The following CIB1 variants were observed in gnomAD, a reference collection of about 807,000 sequenced individuals.
CIB1 encodes the protein calcium and integrin-binding protein 1.
In CIB1, 19 loss-of-function variants were observed where a neutral mutation model predicts 25.0. The ratio of observed to expected loss-of-function variants is 0.76; its 90% CI spans 0.53 to 1.12. The LOEUF is 1.12. Ranked by LOEUF, CIB1 falls within the 50% of genes most tolerant of loss-of-function variation. The probability of loss-of-function intolerance (pLI) is 0.00; values close to 1 mark genes in which losing one functional copy is unlikely to be tolerated. For synonymous variants in CIB1, 104 were observed against 98.5 expected (o/e 1.06, Z -0.33); for missense variants, 236 against 242.6 (o/e 0.97, Z 0.18).
chr15:90,253,393 G>A, the CIB1 span: 29 of 1,574,602 alleles, frequency 1.8e-5, no homozygotes, highest in South Asian at 1.5e-4. Context: ...CCTGAGAGCC[G>A]ACAGGGGCTA....
the CIB1 span, chr15:90,241,160 G>A: frequency 6.8e-6 from 11 of 1,614,096 alleles, no homozygotes; most frequent in Non-Finnish European, 9.3e-6. Context: ...GGGAGCTACA[G>A]ACCCAAATCC....
chr15:90,239,650 G>T, the CIB1 span, among the ~76,000 whole-genome samples: 1 of 152,188 alleles, frequency 6.6e-6, no homozygotes, highest in African/African-American at 2.4e-5. Context: ...ACAACAAGTG[G>T]GGATTATAGG....
At chr15:90,236,947 T>C (rs1441276056), upstream of CIB1, among the ~76,000 whole-genome samples, 2 of 151,754 alleles carry the variant, frequency 1.3e-5, no homozygotes, top group African/African-American at 2.4e-5. Flanking sequence ...GCTGCTGATA[T>C]ACTTTTATTT....
At chr15:90,265,370 C>A in the CIB1 span, 1 of 1,234,798 alleles carries the variant, frequency 8.1e-7, no homozygotes, top group Non-Finnish European at 1.0e-6. Flanking sequence ...CGAGCGGAAG[C>A]CCTGCCCACC....
At chr15:90,251,280 A>ATTTTTTTTTTT in the CIB1 span, among the ~76,000 whole-genome samples, 24 of 109,510 alleles carry the variant, frequency 2.2e-4, no homozygotes, top group South Asian at 3.4e-4. Context: ...CGCATGGCAA[A>ATTTTTTTTTTT]TTTTTTTTTT....
At chr15:90,242,253 CTTTTTT>C in the CIB1 span, 17,777 of 88,858 alleles carry the variant, frequency 0.2, 1,180 homozygotes, top group African/African-American at 0.28. Flanking sequence ...ACACACCTGG[CTTTTTT>C]TTTTTTTTTT....
the CIB1 span, among the ~76,000 whole-genome samples, chr15:90,247,743 T>TTC: frequency 1.3e-5 from 1 of 79,902 alleles, no homozygotes; most frequent in East Asian, 2.1e-3. Flanking sequence ...TTTTGTTTGC[T>TTC]TTTTTTTTTT....
chr15:90,253,226 T>G, the CIB1 span: 1 of 1,601,822 alleles, frequency 6.2e-7, no homozygotes, highest in Non-Finnish European at 8.6e-7. Context: ...ATGCTGGCAC[T>G]ACTGATCTCC....
At chr15:90,231,046 C>G (rs775259021) in intron 5 of CIB1, 24 bp from the exon 6 acceptor site, 1 of 1,613,162 alleles carries the variant, frequency 6.2e-7, no homozygotes, top group Non-Finnish European at 8.5e-7. Context: ...AGTTTCAGGC[C>G]AGAGCCCCAA....
At chr15:90,265,539 A>T in the CIB1 span, 2 of 1,391,316 alleles carry the variant, frequency 1.4e-6, no homozygotes, top group South Asian at 1.5e-5. Flanking sequence ...CCACAGTTAC[A>T]GGCAGAAAGG....
At chr15:90,244,970 CTGAG>C in the CIB1 span, 2 of 152,238 alleles carry the variant, frequency 1.3e-5, no homozygotes, top group African/African-American at 4.8e-5. Context: ...TGGCTGCTGT[CTGAG>C]TGGGCTCACC....
At chr15:90,241,387 GC>G in the CIB1 span, 1 of 1,613,918 alleles carries the variant, frequency 6.2e-7, no homozygotes, top group Non-Finnish European at 8.5e-7. Context: ...ATCAACGTCA[GC>G]CCCCTGGAGT....
At chr15:90,237,301 G>C (rs1182882325), upstream of CIB1, among the ~76,000 whole-genome samples, 1 of 23,326 alleles carries the variant, frequency 4.3e-5, no homozygotes, top group East Asian at 1.5e-3. Context: ...TTTTTTTTTT[G>C]AGATGGAGTC....
chr15:90,254,650 C>A, the CIB1 span, among the ~76,000 whole-genome samples: 2 of 151,388 alleles, frequency 1.3e-5, 1 homozygote, highest in South Asian at 4.2e-4. Flanking sequence ...CCAGCCTGGG[C>A]AACAGGCAAA....
intron 1 of CIB1, 51 bp downstream of exon 1, chr15:90,233,784 C>T: frequency 6.4e-7 from 1 of 1,551,308 alleles, no homozygotes; most frequent in Non-Finnish European, 8.7e-7. Flanking sequence ...GGACCCTGCT[C>T]CCGAGAAGAG....
At chr15:90,264,624 C>T in the CIB1 span, 1 of 1,396,982 alleles carries the variant, frequency 7.2e-7, no homozygotes, top group Admixed American at 2.2e-5. Context: ...ATGAGATGCC[C>T]TTCCTCTGTG....
chr15:90,262,156 G>C, the CIB1 span: 2 of 1,535,638 alleles, frequency 1.3e-6, no homozygotes, highest in Non-Finnish European at 8.7e-7. Flanking sequence ...TCTTCCAAGA[G>C]ACTGCTGCTT....
chr15:90,237,153 G>T (rs1962652210), upstream of CIB1, among the ~76,000 whole-genome samples: 1 of 151,922 alleles, frequency 6.6e-6, no homozygotes, highest in Admixed American at 6.6e-5. Flanking sequence ...TAGAGACAGG[G>T]TTTCACCATA....
the CIB1 span, chr15:90,241,650 C>T: frequency 1.9e-6 from 3 of 1,614,220 alleles, no homozygotes; most frequent in Admixed American, 1.7e-5. Context: ...GCATCTGCTC[C>T]AGGACCTCCC....
Sources: gnomAD v4.1 joint callset for allele counts (sites outside exome capture counted in the v4.1 genomes callset) on GRCh38, gnomAD v4.1.1 for gene constraint, MANE v1.5 for transcripts, NCBI Gene and HGNC (gene_info 2026-07-23, HGNC 2026-07-21) for gene names.